The following CSMD1 variants were observed in gnomAD, a reference collection of about 807,000 sequenced individuals.
CSMD1 encodes the protein CUB and sushi domain-containing protein 1.
A neutral mutation model predicts 417.5 loss-of-function variants in CSMD1; 213 were observed. The ratio of observed to expected loss-of-function variants is 0.51; its 90% CI spans 0.46 to 0.57. The LOEUF (loss-of-function observed/expected upper bound fraction) is 0.57, where lower values mean the gene tolerates loss of function less well. CSMD1 is among the 20% of genes least tolerant of loss of function. The probability of loss-of-function intolerance (pLI) is 0.00; values close to 1 mark genes in which losing one functional copy is unlikely to be tolerated. For missense variants in CSMD1, 6,923 were observed against 4,529.7 expected (o/e 1.53, Z -15.17); for synonymous variants, 2,862 against 1,736.8 (o/e 1.65, Z -16.11).
chr8:3,303,937 G>T (rs1417266782), intron 25 of CSMD1, among the ~76,000 whole-genome samples: 1 of 74,390 alleles, frequency 1.3e-5, no homozygotes, highest in African/African-American at 4.1e-5. Flanking sequence ...CTATTTTGGG[G>T]TATTGCGCCC....
intron 5 of CSMD1, among the ~76,000 whole-genome samples, chr8:3,796,675 T>C (rs530928125): frequency 6.6e-6 from 1 of 150,422 alleles, no homozygotes; most frequent in African/African-American, 2.4e-5. Context: ...TATCTATATG[T>C]ATACATTGGA....
intron 5 of CSMD1, among the ~76,000 whole-genome samples, chr8:3,952,609 T>A (rs1186463706): frequency 6.6e-6 from 1 of 152,094 alleles, no homozygotes; most frequent in Non-Finnish European, 1.5e-5. Flanking sequence ...GAGAGGAGAA[T>A]GGAAGAAATT....
chr8:4,760,406 T>A (rs1462083916), intron 1 of CSMD1, among the ~76,000 whole-genome samples: 3 of 152,200 alleles, frequency 2.0e-5, no homozygotes, highest in African/African-American at 7.2e-5. Context: ...CTCAGCTGAC[T>A]TTATGATACC....
chr8:3,696,164 T>C (rs1359118447), intron 7 of CSMD1, among the ~76,000 whole-genome samples: 1 of 152,212 alleles, frequency 6.6e-6, no homozygotes, highest in Non-Finnish European at 1.5e-5. Context: ...ACGTATCTTC[T>C]TCGGATGTCA....
At chr8:3,987,216 G>A (rs1316292421) in intron 5 of CSMD1, among the ~76,000 whole-genome samples, 1 of 151,814 alleles carries the variant, frequency 6.6e-6, no homozygotes, top group Non-Finnish European at 1.5e-5. Context: ...CACAACAGCA[G>A]CACGCACTCT....
At chr8:4,007,029 G>A (rs1338575947) in intron 4 of CSMD1, among the ~76,000 whole-genome samples, 1 of 151,600 alleles carries the variant, frequency 6.6e-6, no homozygotes, top group Admixed American at 6.6e-5. Context: ...TAGTAGAGAC[G>A]GGGTTTCACC....
chr8:3,238,125 T>G (rs1799270437), intron 26 of CSMD1, among the ~76,000 whole-genome samples: 1 of 151,884 alleles, frequency 6.6e-6, no homozygotes, highest in Admixed American at 6.6e-5. Flanking sequence ...GGCCGTTTTA[T>G]AAGATTTGGG....
intron 2 of CSMD1, among the ~76,000 whole-genome samples, chr8:4,428,085 A>C (rs950372813): frequency 6.6e-6 from 1 of 152,194 alleles, no homozygotes; most frequent in Non-Finnish European, 1.5e-5. Flanking sequence ...CATATCAGAC[A>C]ATATCAAGAG....
intron 3 of CSMD1, among the ~76,000 whole-genome samples, chr8:4,173,842 C>T (rs1180154288): frequency 6.6e-6 from 1 of 152,128 alleles, no homozygotes; most frequent in East Asian, 1.9e-4. Context: ...TCAGTTCTTC[C>T]CTACTTCTTG....
In CSMD1 at chr8:2,973,248, C is replaced by T. The variant is rs772522187; in HGVS notation, c.8792G>A (p.Arg2931Gln). ...GDPGTPAHGSRLGDDFKTKSL... is the reference protein window; with the variant it reads ...GDPGTPAHGSQLGDDFKTKSL... ...CTTTGTCTTAAAGTCATCACCAAGC[C>T]GAGACCCATGTGCTGGGGTCCCCGG... Residue 2931 changes from arginine (R) to glutamine (Q), a missense_variant, in exon 57 of 70, where the codon CGG becomes CAG. Arg to Gln is a conservative substitution (Grantham distance 43). Coordinates refer to ENST00000635120, the MANE Select transcript of CSMD1 (RefSeq NM_033225.6). The T allele has an allele frequency of 5.6e-6, 9 of 1,613,770 alleles. No individual in the cohort carries two copies. The highest frequency in any genetic ancestry group is 3.3e-5 in the Admixed American group (2 of 59,994).
At chr8:4,127,093 C>T (rs1283358887) in intron 3 of CSMD1, among the ~76,000 whole-genome samples, 1 of 150,836 alleles carries the variant, frequency 6.6e-6, no homozygotes, top group Non-Finnish European at 1.5e-5. Context: ...TTTTTTTTAA[C>T]AATCCTAGTT....
At chr8:3,985,733 G>A (rs976260324) in intron 5 of CSMD1, among the ~76,000 whole-genome samples, 2 of 148,120 alleles carry the variant, frequency 1.4e-5, no homozygotes, top group Admixed American at 6.9e-5. Context: ...GATTAAAAAG[G>A]CTGCCTTTAA....
At chr8:4,425,898 C>T (rs958946586) in intron 2 of CSMD1, among the ~76,000 whole-genome samples, 1 of 151,998 alleles carries the variant, frequency 6.6e-6, no homozygotes, top group Admixed American at 6.6e-5. Flanking sequence ...ACATATGTTA[C>T]TCCCTATCGT....
At chr8:3,408,461 G>C (rs150563192) in intron 13 of CSMD1, among the ~76,000 whole-genome samples, 2,481 of 152,182 alleles carry the variant, frequency 0.016, 70 homozygotes, top group African/African-American at 0.056. Context: ...TCAAGCACAA[G>C]CGTGGTTCAA....
intron 4 of CSMD1, among the ~76,000 whole-genome samples, chr8:4,000,376 C>G (rs564897298): frequency 5.3e-5 from 8 of 152,332 alleles, no homozygotes; most frequent in African/African-American, 1.9e-4. Context: ...ATATACAGTT[C>G]CCTGTCAAAA....
chr8:4,269,620 C>T (rs567404718), intron 3 of CSMD1, among the ~76,000 whole-genome samples: 42 of 152,168 alleles, frequency 2.8e-4, no homozygotes, highest in African/African-American at 8.2e-4. Flanking sequence ...ATTTTTTATA[C>T]GTATATTGTA....
chr8:3,018,472 T>G lies in CSMD1; in HGVS notation c.8029+5A>C, dbSNP rs759635342. On this transcript the variant is annotated splice_donor_5th_base_variant and intron_variant, in intron 52 of 69. Coordinates refer to ENST00000635120, the MANE Select transcript of CSMD1 (RefSeq NM_033225.6). Reference sequence around the variant, plus strand: ...AAGTAAGTGCCAGAACACAGATGAATTTACCCAGACATCGAGTTTCGCTGC... The same window carrying G: ...AAGTAAGTGCCAGAACACAGATGAAGTTACCCAGACATCGAGTTTCGCTGC... The G allele has an allele frequency of 3.7e-6, 6 of 1,612,650 alleles. No individual in the cohort carries two copies. The African/African-American group carries it at 6.7e-5, about 18-fold the overall frequency.
At chr8:3,757,038 A>G (rs554647409) in intron 5 of CSMD1, among the ~76,000 whole-genome samples, 1 of 152,314 alleles carries the variant, frequency 6.6e-6, no homozygotes, top group South Asian at 2.1e-4. Flanking sequence ...CACAGCCTCA[A>G]GAAATCCTCT....
chr8:3,825,375 C>T (rs758917256), intron 5 of CSMD1, among the ~76,000 whole-genome samples: 2 of 152,122 alleles, frequency 1.3e-5, no homozygotes, highest in Non-Finnish European at 1.5e-5. Context: ...AGTAAAAATA[C>T]AAAATTAGCC....
Sources: allele counts gnomAD v4.1 joint callset (sites outside exome capture counted in the v4.1 genomes callset), GRCh38; gene constraint gnomAD v4.1.1; transcripts MANE v1.5; gene names NCBI Gene and HGNC (gene_info 2026-07-23, HGNC 2026-07-21).